The following PPP1R13B variants were observed in gnomAD, a reference collection of about 807,000 sequenced individuals.
PPP1R13B encodes apoptosis-stimulating of p53 protein 1.
In PPP1R13B, 44 loss-of-function variants were observed where a neutral mutation model predicts 119.8. That is an observed-to-expected ratio of 0.37 (90% CI 0.29 to 0.47). The LOEUF (loss-of-function observed/expected upper bound fraction) is 0.47, where lower values mean the gene tolerates loss of function less well. Among genes scored for constraint, PPP1R13B ranks in the 20% least tolerant of loss-of-function variants. The probability of loss-of-function intolerance (pLI) is 0.99; values close to 1 mark genes in which losing one functional copy is unlikely to be tolerated. For synonymous variants in PPP1R13B, 542 were observed against 561.5 expected, an observed-to-expected ratio of 0.97 and a Z score of 0.49; for missense variants, 1,227 against 1,413.5, an observed-to-expected ratio of 0.87 and a Z score of 2.12.
chr14:103,778,870 G>C (rs2152016565), intron 3 of PPP1R13B, 49 bp from the exon 4 acceptor site: 1 of 1,366,044 alleles, frequency 7.3e-7, no homozygotes, highest in African/African-American at 1.4e-5. Context: ...TTAGAAAAAA[G>C]TAATATTCTC....
chr14:103,835,513 C>T (rs946164217), intron 1 of PPP1R13B, among the ~76,000 whole-genome samples: 1 of 151,534 alleles, frequency 6.6e-6, no homozygotes, highest in Non-Finnish European at 1.5e-5. Context: ...TCACTGCAGC[C>T]TCAACTTCTG....
chr14:103,780,751 T>C (rs1045449954), intron 3 of PPP1R13B, among the ~76,000 whole-genome samples: 10 of 148,982 alleles, frequency 6.7e-5, no homozygotes, highest in Admixed American at 6.1e-4. Flanking sequence ...GAGGCGAAGG[T>C]TGCAGCCAAG....
At chr14:103,789,270 G>A (rs931694431) in intron 2 of PPP1R13B, among the ~76,000 whole-genome samples, 1 of 152,122 alleles carries the variant, frequency 6.6e-6, no homozygotes, top group Non-Finnish European at 1.5e-5. Context: ...CCAGGCTGGA[G>A]TGCACTGGCA....
chr14:103,829,477 T>C (rs753025823), intron 1 of PPP1R13B, among the ~76,000 whole-genome samples: 1 of 152,226 alleles, frequency 6.6e-6, no homozygotes, highest in Non-Finnish European at 1.5e-5. Flanking sequence ...CAGGCTGGTC[T>C]CAGACTGCTG....
chr14:103,766,889 T>C (rs974751139), intron 4 of PPP1R13B, among the ~76,000 whole-genome samples: 2 of 152,188 alleles, frequency 1.3e-5, no homozygotes, highest in African/African-American at 4.8e-5. Context: ...TTTCACATAG[T>C]TCGAACTAAT....
In PPP1R13B at chr14:103,733,682, T is replaced by C. The variant is rs1449670426; in HGVS notation, c.*1472A>G. 6.6e-6 allele frequency: 1 copy of C among 152,572 alleles called. No individual in the cohort carries two copies. Among genetic ancestry groups the C allele is most frequent in the Non-Finnish European group, 1.5e-5 (1 of 68,112 alleles). The allele number at this position is 152,572 out of a possible 1,614,324, so 9.5% of individuals were successfully genotyped here. A position where few individuals can be genotyped will look rare whatever the true frequency, so the allele number is the denominator to read the frequency against. ...TGAACATACGGACAAGGCCTCGCCT[T>C]CCTGTGTCCAGATCACCTGAACCCT... On this transcript the variant is annotated 3_prime_UTR_variant, in exon 17 of 17. Coordinates refer to ENST00000202556, the MANE Select transcript of PPP1R13B (RefSeq NM_015316.3).
At chr14:103,777,330 C>G (rs1424309874) in intron 4 of PPP1R13B, among the ~76,000 whole-genome samples, 2 of 152,124 alleles carry the variant, frequency 1.3e-5, no homozygotes, top group Non-Finnish European at 2.9e-5. Context: ...CTCCACAGCT[C>G]CCCTCACCTA....
At chr14:103,756,551 A>T (rs1039578578) in intron 5 of PPP1R13B, among the ~76,000 whole-genome samples, 1 of 152,154 alleles carries the variant, frequency 6.6e-6, no homozygotes, top group African/African-American at 2.4e-5. Context: ...CATTATCTAT[A>T]CTCCGCACTG....
At chr14:103,750,572 T>C (rs2084514775) in intron 7 of PPP1R13B, among the ~76,000 whole-genome samples, 1 of 152,244 alleles carries the variant, frequency 6.6e-6, no homozygotes, top group African/African-American at 2.4e-5. Context: ...GGCTCACGCC[T>C]GTAATCCCAG....
chr14:103,818,597 A>G, intron 1 of PPP1R13B: 2 of 612,218 alleles, frequency 3.3e-6, no homozygotes, highest in Non-Finnish European at 4.1e-6. Context: ...TGGCCTTCAG[A>G]TGACAATTCT....
chr14:103,740,038 T>C lies in PPP1R13B; in HGVS notation c.2378A>G (p.Asp793Gly). ...TGGTTCGGGGGAAGGTAACTCATTA[T>C]CATTGGCATCTGATGACGGGGCAGG... Reference protein sequence around the residue: ...AEPAPSSDANDNELPSPEPEE... With the variant: ...AEPAPSSDANGNELPSPEPEE... Residue 793 changes from aspartate to glycine, a missense_variant, in exon 12 of 17, where the codon GAT becomes GGT. Physicochemically the swap from Asp to Gly is moderately conservative, Grantham distance 94. Coordinates refer to ENST00000202556, the MANE Select transcript of PPP1R13B (RefSeq NM_015316.3). The surrounding 1 kb of genome is among the most constrained non-coding windows in gnomAD (Gnocchi z 4.6). The C allele has an allele frequency of 6.2e-7, 1 of 1,613,988 alleles. No individual in the cohort carries two copies. Among genetic ancestry groups the C allele is most frequent in the Non-Finnish European group, 8.5e-7 (1 of 1,179,932 alleles).
rs777839675 is a variant in PPP1R13B at position 103,741,955 on chromosome 14, T to C, written c.1657A>G (p.Ile553Val). 1.9e-6 allele frequency: 3 copies of C among 1,614,140 alleles called. No individual in the cohort carries two copies. The highest frequency in any genetic ancestry group is 1.7e-5 in the Admixed American group (1 of 60,010). ...CCTTTATCAGCCAGGAAAGGCCTAA[T>C]GGCCACTGTCAGTGGGAGTTCAGGC... ...SKPELPLTVA[I>V]RPFLADKGSR... The change falls in exon 11 of 17, where the codon ATT becomes GTT. Residue 553 changes from isoleucine (I) to valine (V), a missense_variant. By Grantham distance (29) the Ile-to-Val change is conservative. Transcript: ENST00000202556.
At chr14:103,753,332 C>A in intron 6 of PPP1R13B, 136 bp from the exon 7 acceptor site, 1 of 838,486 alleles carries the variant, frequency 1.2e-6, no homozygotes, top group Non-Finnish European at 1.8e-6. Flanking sequence ...GAATCCACAA[C>A]ACATTTCAAA....
chr14:103,784,995 A>C (rs770626748), intron 2 of PPP1R13B, 81 bp from the exon 3 acceptor site: 67 of 1,308,860 alleles, frequency 5.1e-5, no homozygotes, highest in Non-Finnish European at 6.9e-5. Flanking sequence ...AACTTAAATG[A>C]ATGTATATAT....
At chr14:103,796,198 G>A (rs548672487) in intron 2 of PPP1R13B, among the ~76,000 whole-genome samples, 2 of 152,210 alleles carry the variant, frequency 1.3e-5, no homozygotes, top group African/African-American at 4.8e-5. Context: ...TGGGAGCACT[G>A]CTTGAGCCCA....
chr14:103,745,530 ACT>A (rs1459738193), intron 9 of PPP1R13B, among the ~76,000 whole-genome samples: 2 of 152,152 alleles, frequency 1.3e-5, no homozygotes, highest in Non-Finnish European at 2.9e-5. Context: ...TGAGAAACAG[ACT>A]CTCCATGAAC....
intron 1 of PPP1R13B, among the ~76,000 whole-genome samples, chr14:103,837,906 G>C (rs1200023002): frequency 5.3e-5 from 8 of 152,052 alleles, no homozygotes; most frequent in Non-Finnish European, 1.5e-5. Flanking sequence ...ATCACCTGAG[G>C]TCAGGAGTTC....
chr14:103,766,559 C>G (rs545627077), intron 4 of PPP1R13B, among the ~76,000 whole-genome samples: 1 of 152,304 alleles, frequency 6.6e-6, no homozygotes, highest in African/African-American at 2.4e-5. Context: ...AAACACGCTA[C>G]CAGACACCAT....
intron 1 of PPP1R13B, among the ~76,000 whole-genome samples, chr14:103,817,129 T>C (rs113622024): frequency 2.6e-5 from 4 of 152,366 alleles, no homozygotes; most frequent in Non-Finnish European, 4.4e-5. Context: ...AGATTATCTA[T>C]GTCATTTACA....
Sources: gnomAD v4.1 joint callset for allele counts (sites outside exome capture counted in the v4.1 genomes callset) on GRCh38, gnomAD v4.1.1 for gene constraint, Gnocchi (gnomAD v3.1) non-coding constraint, MANE v1.5 for transcripts, NCBI Gene and HGNC (gene_info 2026-07-23, HGNC 2026-07-21) for gene names.